The following SPAM1 variants were observed in gnomAD, a reference collection of about 807,000 sequenced individuals.
The protein encoded by SPAM1 is hyaluronidase PH-20.
In SPAM1, 22 loss-of-function variants were observed where a neutral mutation model predicts 29.6. That is an observed-to-expected ratio of 0.74 (90% CI 0.53 to 1.06). SPAM1 has a LOEUF of 1.06. SPAM1 is among the 50% of genes least tolerant of loss of function. The probability of loss-of-function intolerance (pLI) is 0.00; values close to 1 mark genes in which losing one functional copy is unlikely to be tolerated. For synonymous variants in SPAM1, 194 were observed against 204.6 expected (o/e 0.95, Z 0.44); for missense variants, 534 against 604.0 (o/e 0.88, Z 1.21).
chr7:123,934,843 G>A (rs960708389), intron 1 of SPAM1, among the ~76,000 whole-genome samples: 1 of 152,130 alleles, frequency 6.6e-6, no homozygotes, highest in Non-Finnish European at 1.5e-5. Flanking sequence ...AGAGGAGGGA[G>A]GGGGAATAGG....
chr7:123,928,626 T>G (rs1476609684), intron 1 of SPAM1, among the ~76,000 whole-genome samples: 1 of 152,136 alleles, frequency 6.6e-6, no homozygotes, highest in Non-Finnish European at 1.5e-5. Flanking sequence ...GAGCCAGAAG[T>G]AGAGAAAGTC....
chr7:123,961,715 C>T (rs968409576), downstream of SPAM1, among the ~76,000 whole-genome samples: 3 of 151,978 alleles, frequency 2.0e-5, no homozygotes, highest in Non-Finnish European at 2.9e-5. Context: ...TGTATTAGTC[C>T]ATTTTCACGC....
chr7:123,953,504 A>G lies in SPAM1; in HGVS notation c.-67A>G, dbSNP rs548443320. Reference sequence around the variant, plus strand: ...CCTTTCATCTGTGCTCATACTTTGCATCAGATATTGGGTAAACCAAAGTGT... The same window carrying G: ...CCTTTCATCTGTGCTCATACTTTGCGTCAGATATTGGGTAAACCAAAGTGT... On this transcript the variant is annotated 5_prime_UTR_variant, in exon 3 of 5. Coordinates refer to ENST00000682466, the MANE Select transcript of SPAM1 (RefSeq NM_153189.3). 1.1e-6 allele frequency: 1 copy of G among 913,898 alleles called. No homozygotes were observed. Among genetic ancestry groups the G allele is most frequent in the Non-Finnish European group, 1.7e-6 (1 of 601,950 alleles). 56.6% of individuals were successfully genotyped at this position (913,898 alleles called of 1,614,324 possible).
At chr7:123,966,926 A>AG (rs1792433062) in intron 5 of SPAM1, among the ~76,000 whole-genome samples, 2 of 152,044 alleles carry the variant, frequency 1.3e-5, no homozygotes, top group South Asian at 4.1e-4. Flanking sequence ...AGCAAAAAAA[A>AG]TACAATTTTT....
chr7:123,953,707 A>G lies in SPAM1; in HGVS notation c.137A>G (p.Asn46Ser). ...TTCAGAGCACCTCCTGTTATTCCAA[A>G]TGTGCCTTTCCTCTGGGCCTGGAAT... ...LNFRAPPVIP[N>S]VPFLWAWNAP... is the part of the protein sequence containing the mutation. The change falls in exon 3 of 5, where the codon AAT becomes AGT. Residue 46 changes from asparagine (N) to serine (S), a missense_variant. By Grantham distance (46) the Asn-to-Ser change is conservative. Transcript: ENST00000682466. 2 of 1,613,366 alleles carry G rather than the reference A, an allele frequency of 1.2e-6. No individual in the cohort carries two copies. Among genetic ancestry groups the G allele is most frequent in the South Asian group, 2.2e-5 (2 of 91,048 alleles).
chr7:123,926,583 T>G (rs1219930893), intron 1 of SPAM1, among the ~76,000 whole-genome samples: 2 of 152,192 alleles, frequency 1.3e-5, no homozygotes, highest in African/African-American at 4.8e-5. Context: ...TGAGAACATG[T>G]GTCCAAGGTG....
At chr7:123,925,583 A>G (rs1807851652) in intron 1 of SPAM1, 1 of 152,118 alleles carries the variant, frequency 6.6e-6, no homozygotes, top group South Asian at 2.1e-4. Flanking sequence ...GTCTGATTCA[A>G]TCTATAAAGA....
intron 6 of SPAM1, chr7:123,971,000 C>G (rs967086745): frequency 6.7e-6 from 1 of 148,254 alleles, no homozygotes; most frequent in African/African-American, 2.5e-5. Context: ...TGATCAATAT[C>G]CTTTAGGAAA....
At chr7:123,962,412 C>T (rs1792371013), downstream of SPAM1, among the ~76,000 whole-genome samples, 1 of 151,854 alleles carries the variant, frequency 6.6e-6, no homozygotes, top group African/African-American at 2.4e-5. Context: ...ATATATTAAT[C>T]AATTGTCAGA....
chr7:123,937,203 C>T (rs4304276), intron 1 of SPAM1, among the ~76,000 whole-genome samples: 1 of 152,122 alleles, frequency 6.6e-6, no homozygotes, highest in African/African-American at 2.4e-5. Flanking sequence ...AGTTACCTTT[C>T]TCATAGTTCG....
intron 1 of SPAM1, among the ~76,000 whole-genome samples, chr7:123,931,743 C>A (rs1301288557): frequency 6.6e-6 from 1 of 152,110 alleles, no homozygotes; most frequent in Non-Finnish European, 1.5e-5. Flanking sequence ...GTGTTCCTAG[C>A]CTTATGGTAG....
At chr7:123,937,445 CA>C (rs1253612988) in intron 1 of SPAM1, among the ~76,000 whole-genome samples, 1 of 151,690 alleles carries the variant, frequency 6.6e-6, no homozygotes, top group Non-Finnish European at 1.5e-5. Context: ...ACTAAAAATA[CA>C]AAAAATTAGC....
intron 1 of SPAM1, among the ~76,000 whole-genome samples, chr7:123,934,143 TAC>T (rs1247120638): frequency 6.6e-6 from 1 of 152,192 alleles, no homozygotes. Context: ...TTTGTATAAG[TAC>T]ACTCTATGAT....
downstream of SPAM1, among the ~76,000 whole-genome samples, chr7:123,960,993 A>C (rs1184354800): frequency 6.6e-6 from 1 of 151,910 alleles, no homozygotes; most frequent in Admixed American, 6.6e-5. Flanking sequence ...CCACTTGTAT[A>C]GTCTTTTACA....
chr7:123,939,382 G>A (rs1808358378), intron 1 of SPAM1, among the ~76,000 whole-genome samples: 1 of 152,128 alleles, frequency 6.6e-6, no homozygotes, highest in African/African-American at 2.4e-5. Flanking sequence ...CACTGTGTCC[G>A]GCCTCAAGTC....
At chr7:123,949,052 T>C (rs1162657240) in intron 1 of SPAM1, among the ~76,000 whole-genome samples, 2 of 151,800 alleles carry the variant, frequency 1.3e-5, no homozygotes, top group African/African-American at 4.8e-5. Flanking sequence ...TCATGTTGTA[T>C]ACCTTAAATA....
intron 2 of SPAM1, among the ~76,000 whole-genome samples, 200 bp downstream of exon 2, chr7:123,950,183 G>A (rs73443311): frequency 0.011 from 1,672 of 152,134 alleles, 32 homozygotes; most frequent in African/African-American, 0.038. Flanking sequence ...AAGATTTTCC[G>A]GGAGGATAAG....
intron 1 of SPAM1, among the ~76,000 whole-genome samples, chr7:123,935,900 A>G (rs541706698): frequency 2.4e-4 from 37 of 152,188 alleles, no homozygotes; most frequent in African/African-American, 8.7e-4. Flanking sequence ...ATTCTACACT[A>G]TTATAGTCTA....
At chr7:123,930,680 A>T (rs1305918921) in intron 1 of SPAM1, among the ~76,000 whole-genome samples, 1 of 152,210 alleles carries the variant, frequency 6.6e-6, no homozygotes, top group Non-Finnish European at 1.5e-5. Context: ...GGTAGAGAAA[A>T]CAAAGACTCC....
Sources: allele counts gnomAD v4.1 joint callset (sites outside exome capture counted in the v4.1 genomes callset), GRCh38; gene constraint gnomAD v4.1.1; transcripts MANE v1.5; gene names NCBI Gene and HGNC (gene_info 2026-07-23, HGNC 2026-07-21).